The following GLB1 variants were observed in gnomAD, a reference collection of about 807,000 sequenced individuals.
The protein encoded by GLB1 is beta-galactosidase.
In GLB1, 56 loss-of-function variants were observed where a neutral mutation model predicts 74.0. The ratio of observed to expected loss-of-function variants is 0.76; its 90% confidence interval spans 0.61 to 0.94. The LOEUF is 0.94. Ranked by LOEUF, GLB1 falls within the 40% of genes least tolerant of loss-of-function variation. The pLI, the probability that GLB1 is intolerant of heterozygous loss-of-function variation, is 0.00. For missense variants in GLB1, 787 were observed against 845.5 expected (o/e 0.93, Z 0.86); for synonymous variants, 323 against 323.6 (o/e 1.00, Z 0.02).
At chr3:33,009,811 A>G (rs9883376) in intron 15 of GLB1, among the ~76,000 whole-genome samples, 142,498 of 152,318 alleles carry the variant, frequency 0.94, 67,377 homozygotes, top group East Asian at 1. Context: ...GTAAGCTACT[A>G]TCTCTATGGA....
intron 1 of GLB1, chr3:33,096,364 G>C: frequency 1.0e-6 from 1 of 979,996 alleles, no homozygotes; most frequent in Non-Finnish European, 1.2e-6. Flanking sequence ...GCCCTGCCCC[G>C]ATCAACGATG....
At chr3:32,989,013 G>A in the GLB1 span, among the ~76,000 whole-genome samples, 1 of 151,724 alleles carries the variant, frequency 6.6e-6, no homozygotes, top group African/African-American at 2.4e-5. Flanking sequence ...TGGGGTGCTG[G>A]CAGCAGCACA....
chr3:33,045,364 G>T (rs562422866), intron 10 of GLB1: 3 of 984,518 alleles, frequency 3.0e-6, no homozygotes, highest in Non-Finnish European at 3.6e-6. Flanking sequence ...AGGTAAGTAC[G>T]GCTACCTCTA....
At chr3:33,003,761 G>T (rs1321641244) in intron 15 of GLB1, among the ~76,000 whole-genome samples, 1 of 152,206 alleles carries the variant, frequency 6.6e-6, no homozygotes, top group African/African-American at 2.4e-5. Flanking sequence ...TGGGCATGGT[G>T]GCTCACTCCT....
chr3:33,063,031 G>A (rs758023030), intron 5 of GLB1, among the ~76,000 whole-genome samples: 2 of 152,170 alleles, frequency 1.3e-5, no homozygotes, highest in East Asian at 1.9e-4. Flanking sequence ...CGACAGTGAC[G>A]GTTCTGAAAG....
chr3:33,093,536 T>C lies in GLB1; in HGVS notation c.75+3475A>G. 6.2e-7 allele frequency: 1 copy of C among 1,614,208 alleles called. No individual in the cohort carries two copies. The highest frequency in any genetic ancestry group is 8.5e-7 in the Non-Finnish European group (1 of 1,180,040). On this transcript the variant is annotated intron_variant, in intron 1 of 15. Transcript: ENST00000307363. This position sits in a 1 kb window ranked among gnomAD's most constrained non-coding sequence, Gnocchi z 6.0. The stretch of plus-strand genomic sequence containing the variant: ...ACATTTCCATCTTGGTCCTGCCCAC[T>C]GTGGGGCCCAAGTGAATGTCTGAGA...
chr3:33,087,577 GCGCACACA>G (rs1404552101), intron 1 of GLB1, among the ~76,000 whole-genome samples: 35 of 39,836 alleles, frequency 8.8e-4, no homozygotes, highest in South Asian at 2.4e-3. Flanking sequence ...CTCAGCATGC[GCGCACACA>G]CACACACACA....
intron 10 of GLB1, among the ~76,000 whole-genome samples, chr3:33,029,067 A>G (rs1037206981): frequency 1.3e-5 from 2 of 152,056 alleles, no homozygotes; most frequent in Non-Finnish European, 2.9e-5. Context: ...ATTTACTACA[A>G]TTTTCTAACT....
chr3:33,041,991 T>C (rs1255355281), intron 10 of GLB1, among the ~76,000 whole-genome samples: 4 of 152,074 alleles, frequency 2.6e-5, no homozygotes, highest in Admixed American at 1.3e-4. Context: ...GTCCTTCAAG[T>C]TGCCATTTAA....
the GLB1 span, among the ~76,000 whole-genome samples, chr3:32,991,566 C>T: frequency 1.3e-5 from 2 of 152,196 alleles, no homozygotes; most frequent in Non-Finnish European, 2.9e-5. Flanking sequence ...TGCTATGTGA[C>T]TTCTGCATCT....
At chr3:33,058,856 C>G (rs1364452617) in intron 5 of GLB1, among the ~76,000 whole-genome samples, 3 of 152,214 alleles carry the variant, frequency 2.0e-5, no homozygotes, top group Non-Finnish European at 4.4e-5. Context: ...GGGTGAATGC[C>G]AGGGACAGAC....
the GLB1 span, among the ~76,000 whole-genome samples, chr3:32,986,373 G>A: frequency 6.6e-6 from 1 of 152,186 alleles, no homozygotes; most frequent in African/African-American, 2.4e-5. Context: ...GGTGTTGCTT[G>A]TTATGTAACA....
chr3:32,970,315 C>T, the GLB1 span, among the ~76,000 whole-genome samples: 12,205 of 152,102 alleles, frequency 0.08, 1,069 homozygotes, highest in African/African-American at 0.23. Context: ...GGTCCTCCTC[C>T]GAGTCAGGTG....
chr3:32,971,337 A>G, the GLB1 span, among the ~76,000 whole-genome samples: 1 of 152,228 alleles, frequency 6.6e-6, no homozygotes, highest in African/African-American at 2.4e-5. Flanking sequence ...GAAGGACTCA[A>G]ATGCATCCAA....
chr3:33,068,453 T>G (rs536335893), intron 3 of GLB1, among the ~76,000 whole-genome samples, 163 bp from the exon 4 acceptor site: 1 of 152,288 alleles, frequency 6.6e-6, no homozygotes, highest in East Asian at 1.9e-4. Flanking sequence ...AATTAGAAAT[T>G]GGAATGTAGG....
At chr3:33,053,357 T>C in intron 7 of GLB1, 134 bp downstream of exon 7, 2 of 1,233,768 alleles carry the variant, frequency 1.6e-6, no homozygotes, top group East Asian at 2.4e-5. Flanking sequence ...ATGTCCAGAA[T>C]GGCTATGACT....
chr3:33,021,432 G>A (rs376591384), intron 12 of GLB1, 134 bp downstream of exon 12: 7 of 955,254 alleles, frequency 7.3e-6, no homozygotes, highest in South Asian at 7.1e-5. Context: ...GGAAATTCAT[G>A]GTTCATTTAC....
intron 1 of GLB1, among the ~76,000 whole-genome samples, chr3:33,079,664 T>C (rs1700253849): frequency 6.6e-6 from 1 of 152,220 alleles, no homozygotes; most frequent in South Asian, 2.1e-4. Flanking sequence ...TACACATACA[T>C]GATCAAATGT....
At chr3:32,968,147 A>T in the GLB1 span, among the ~76,000 whole-genome samples, 1 of 152,340 alleles carries the variant, frequency 6.6e-6, no homozygotes, top group East Asian at 1.9e-4. Context: ...AGGTTAATTT[A>T]CTAGCAGCAG....
Sources: allele counts gnomAD v4.1 joint callset (sites outside exome capture counted in the v4.1 genomes callset), GRCh38; gene constraint gnomAD v4.1.1; non-coding constraint Gnocchi (gnomAD v3.1); transcripts MANE v1.5; gene names NCBI Gene and HGNC (gene_info 2026-07-23, HGNC 2026-07-21).